The following SLC35F3 variants were observed in gnomAD, a reference collection of about 807,000 sequenced individuals.
The protein encoded by SLC35F3 is putative thiamine transporter SLC35F3.
In SLC35F3, 25 loss-of-function variants were observed where a neutral mutation model predicts 49.9. The observed-to-expected ratio is 0.50, with a 90% confidence interval of 0.37 to 0.70. The LOEUF is 0.70. Ranked by LOEUF, SLC35F3 falls within the 30% of genes least tolerant of loss-of-function variation. The pLI, the probability that SLC35F3 is intolerant of heterozygous loss-of-function variation, is 0.00. For synonymous variants in SLC35F3, 275 were observed against 265.4 expected, an observed-to-expected ratio of 1.04 and a Z score of -0.35; for missense variants, 525 against 639.8, an observed-to-expected ratio of 0.82 and a Z score of 1.94.
chr1:234,182,578 A>T (rs1019017122), intron 2 of SLC35F3, among the ~76,000 whole-genome samples: 1 of 152,180 alleles, frequency 6.6e-6, no homozygotes, highest in East Asian at 1.9e-4. Flanking sequence ...CTTGAGATCG[A>T]TTGCCAGAAG....
At chr1:234,115,845 T>C (rs938751623) in intron 2 of SLC35F3, among the ~76,000 whole-genome samples, 2 of 152,218 alleles carry the variant, frequency 1.3e-5, no homozygotes, top group African/African-American at 4.8e-5. Flanking sequence ...GTTTTGAGGT[T>C]AATTTTGCCA....
chr1:234,145,755 G>A (rs75537426), intron 2 of SLC35F3, among the ~76,000 whole-genome samples: 10,399 of 152,120 alleles, frequency 0.068, 589 homozygotes, highest in African/African-American at 0.14. Context: ...ATTTTATACC[G>A]GGGCTAGAGC....
chr1:234,123,863 G>A lies in SLC35F3; in HGVS notation c.284-107554G>A, dbSNP rs577365674. 4.5e-3 allele frequency among the ~76,000 whole-genome samples: 686 copies of A among 152,316 alleles called. 7 individuals are homozygous for A. Among genetic ancestry groups the A allele is most frequent in the African/African-American group, 0.014 (583 of 41,556 alleles). On this transcript the variant is annotated intron_variant, in intron 2 of 7. Transcript: ENST00000366618. Reference sequence around the variant, plus strand: ...CTCTGGGGACAAAGGGCCCTGGTGAGTAGTTTTAACAGCTGTGATTTAAGA... The same window carrying A: ...CTCTGGGGACAAAGGGCCCTGGTGAATAGTTTTAACAGCTGTGATTTAAGA...
At chr1:234,163,458 A>T (rs1179366401) in intron 2 of SLC35F3, among the ~76,000 whole-genome samples, 4 of 152,052 alleles carry the variant, frequency 2.6e-5, no homozygotes, top group South Asian at 4.1e-4. Flanking sequence ...TTGCTGAGAC[A>T]GAGTGAGTGA....
intron 2 of SLC35F3, among the ~76,000 whole-genome samples, chr1:234,228,769 CAA>C (rs977065283): frequency 1.3e-5 from 2 of 152,072 alleles, no homozygotes; most frequent in African/African-American, 4.8e-5. Flanking sequence ...TGCACAGACA[CAA>C]AAGACTAGGG....
chr1:234,126,055 C>T (rs1335634888), intron 2 of SLC35F3, among the ~76,000 whole-genome samples: 1 of 152,202 alleles, frequency 6.6e-6, no homozygotes, highest in East Asian at 1.9e-4. Context: ...TTTAATAGTA[C>T]CCAGTTCATG....
chr1:233,938,030 G>A (rs1194943191), intron 2 of SLC35F3, among the ~76,000 whole-genome samples: 3 of 152,176 alleles, frequency 2.0e-5, no homozygotes, highest in South Asian at 2.1e-4. Context: ...CAGAAGACAG[G>A]TGAAGCCTTG....
intron 2 of SLC35F3, among the ~76,000 whole-genome samples, chr1:234,081,071 A>G (rs1047875061): frequency 2.0e-5 from 3 of 152,108 alleles, no homozygotes; most frequent in Non-Finnish European, 4.4e-5. Flanking sequence ...TCTCATTCCT[A>G]CTGCCATATA....
intron 3 of SLC35F3, among the ~76,000 whole-genome samples, chr1:234,267,644 C>T (rs573621031): frequency 2.6e-5 from 4 of 151,530 alleles, no homozygotes; most frequent in African/African-American, 7.3e-5. Flanking sequence ...CTGACCCCCC[C>T]ACCTCCCTCC....
intron 4 of SLC35F3, among the ~76,000 whole-genome samples, chr1:234,309,888 A>G (rs1196799131): frequency 6.6e-6 from 1 of 152,190 alleles, no homozygotes; most frequent in African/African-American, 2.4e-5. Context: ...CTTCTAACCA[A>G]TGACGAAGGG....
intron 2 of SLC35F3, among the ~76,000 whole-genome samples, chr1:234,067,283 A>G (rs1183557329): frequency 6.6e-6 from 1 of 152,174 alleles, no homozygotes; most frequent in Non-Finnish European, 1.5e-5. Flanking sequence ...TATTGTCGCT[A>G]CCTTTAGCAT....
At chr1:233,917,036 A>G (rs1005099352) in intron 2 of SLC35F3, among the ~76,000 whole-genome samples, 2 of 152,226 alleles carry the variant, frequency 1.3e-5, no homozygotes, top group African/African-American at 4.8e-5. Context: ...TTAGCTCCTC[A>G]GGGAAGTATA....
At chr1:234,111,734 AG>A (rs1665410439) in intron 2 of SLC35F3, among the ~76,000 whole-genome samples, 2 of 152,242 alleles carry the variant, frequency 1.3e-5, no homozygotes, top group Admixed American at 1.3e-4. Flanking sequence ...CCAGGCCAAC[AG>A]GAAGAGCTTC....
intron 2 of SLC35F3, among the ~76,000 whole-genome samples, chr1:233,962,538 G>A (rs1249129095): frequency 6.6e-6 from 1 of 152,194 alleles, no homozygotes; most frequent in Non-Finnish European, 1.5e-5. Flanking sequence ...GGGCTTATAT[G>A]CAGAGTTCAT....
intron 2 of SLC35F3, among the ~76,000 whole-genome samples, chr1:234,101,376 C>T (rs2102882452): frequency 6.6e-6 from 1 of 152,250 alleles, no homozygotes. Context: ...CCCAGACACT[C>T]CTGAAAACTG....
chr1:234,254,385 T>A (rs1235193967), intron 3 of SLC35F3, among the ~76,000 whole-genome samples: 1 of 152,212 alleles, frequency 6.6e-6, no homozygotes, highest in East Asian at 1.9e-4. Flanking sequence ...AGGTCACCAA[T>A]GGTGCAGATG....
intron 2 of SLC35F3, among the ~76,000 whole-genome samples, chr1:234,112,824 C>T (rs1474551393): frequency 1.3e-5 from 2 of 149,232 alleles, no homozygotes; most frequent in African/African-American, 4.9e-5. Flanking sequence ...ATCCACCCTC[C>T]TCGGCCTCCC....
chr1:234,303,080 G>T (rs1198230862), intron 3 of SLC35F3, among the ~76,000 whole-genome samples: 1 of 152,012 alleles, frequency 6.6e-6, no homozygotes, highest in Non-Finnish European at 1.5e-5. Context: ...GACATCCTCT[G>T]ATTTCTATCT....
At chr1:234,261,910 A>G (rs1667911812) in intron 3 of SLC35F3, 1 of 152,242 alleles carries the variant, frequency 6.6e-6, no homozygotes, top group Non-Finnish European at 1.5e-5. Flanking sequence ...GCCAGTGAAC[A>G]GCAGGGCAGA....
Sources: gnomAD v4.1 joint callset for allele counts (sites outside exome capture counted in the v4.1 genomes callset) on GRCh38, gnomAD v4.1.1 for gene constraint, MANE v1.5 for transcripts, NCBI Gene and HGNC (gene_info 2026-07-23, HGNC 2026-07-21) for gene names.